Variants in PPP1R16B observed in about 807,000 individuals in gnomAD.
The protein encoded by PPP1R16B is protein phosphatase 1 regulatory inhibitor subunit 16B.
Under a neutral mutation model 61.7 loss-of-function variants are expected in PPP1R16B, and 14 were observed. The observed-to-expected ratio is 0.23, with a 90% CI of 0.15 to 0.35. The LOEUF (loss-of-function observed/expected upper bound fraction) is 0.35, where lower values mean the gene tolerates loss of function less well. PPP1R16B is among the 10% of genes least tolerant of loss of function. The pLI, the probability that PPP1R16B is intolerant of heterozygous loss-of-function variation, is 1.00. For missense variants in PPP1R16B, 547 were observed against 752.5 expected, an observed-to-expected ratio of 0.73 and a Z score of 3.19; for synonymous variants, 266 against 305.3, an observed-to-expected ratio of 0.87 and a Z score of 1.34.
chr20:38,865,300 T>A (rs1014953091), intron 2 of PPP1R16B, among the ~76,000 whole-genome samples: 11 of 150,534 alleles, frequency 7.3e-5, no homozygotes, highest in Non-Finnish European at 1.3e-4. Flanking sequence ...TTTTTCTTTT[T>A]TTTTTTTGAG....
chr20:38,883,387 C>T (rs578166693), intron 2 of PPP1R16B, among the ~76,000 whole-genome samples: 2 of 152,376 alleles, frequency 1.3e-5, no homozygotes, highest in Admixed American at 6.5e-5. Context: ...CAAAGGCAGC[C>T]GCCACCAGCT....
At chr20:38,859,906 C>T (rs894322921) in intron 2 of PPP1R16B, among the ~76,000 whole-genome samples, 10 of 152,148 alleles carry the variant, frequency 6.6e-5, no homozygotes, top group Admixed American at 5.2e-4. Flanking sequence ...GTCATTTCAG[C>T]ATGCAATCAA....
chr20:38,839,389 A>G (rs1435354358), intron 2 of PPP1R16B, among the ~76,000 whole-genome samples: 1 of 152,172 alleles, frequency 6.6e-6, no homozygotes, highest in African/African-American at 2.4e-5. Context: ...ACAGACTTTA[A>G]TGTTTTTCAG....
chr20:38,838,640 T>G (rs927464753), intron 2 of PPP1R16B: 1 of 152,270 alleles, frequency 6.6e-6, no homozygotes, highest in East Asian at 1.9e-4. Flanking sequence ...CTTGTCATGA[T>G]GTCTAATTTT....
chr20:38,841,256 G>C (rs953139095), intron 2 of PPP1R16B, among the ~76,000 whole-genome samples: 4 of 150,618 alleles, frequency 2.7e-5, no homozygotes, highest in African/African-American at 7.3e-5. Context: ...GCTGAGTGGT[G>C]TGGCTAACAC....
intron 3 of PPP1R16B, among the ~76,000 whole-genome samples, chr20:38,890,723 T>C (rs1377322458): frequency 6.6e-6 from 1 of 152,222 alleles, no homozygotes; most frequent in Non-Finnish European, 1.5e-5. Context: ...AGGTGCTCAA[T>C]ATGTGCATGT....
chr20:38,892,920 T>A (rs1023848551), intron 3 of PPP1R16B, among the ~76,000 whole-genome samples: 1 of 152,104 alleles, frequency 6.6e-6, no homozygotes, highest in Non-Finnish European at 1.5e-5. Flanking sequence ...GTGGCACAGT[T>A]AGAGAGCAGG....
intron 1 of PPP1R16B, among the ~76,000 whole-genome samples, chr20:38,807,500 G>A (rs967285432): frequency 3.3e-5 from 5 of 152,190 alleles, no homozygotes; most frequent in East Asian, 3.9e-4. Flanking sequence ...AGGGGCTGGG[G>A]GAGTTTCCAC....
rs530252218 is a variant in PPP1R16B, at chr20:38,852,411, T to G, written c.250+16236T>G. On this transcript the variant is annotated intron_variant, in intron 2 of 10. Coordinates refer to ENST00000299824, the MANE Select transcript of PPP1R16B (RefSeq NM_015568.4). ...GTTTTTATGCAGCAGCCTCATAAAC[T>G]TGGATAGTATGAGACTGCTCTTGGG... 5.9e-5 allele frequency among the ~76,000 whole-genome samples: 9 copies of G among 152,312 alleles called. No homozygotes were observed. In the East Asian group the frequency reaches 1.7e-3, roughly 29 times the overall value.
intron 2 of PPP1R16B, among the ~76,000 whole-genome samples, chr20:38,838,732 T>C (rs1226986425): frequency 2.6e-5 from 4 of 152,124 alleles, no homozygotes; most frequent in Non-Finnish European, 5.9e-5. Flanking sequence ...CCATTGCCCC[T>C]CCCTGAGGGG....
In PPP1R16B at chr20:38,920,780, C is replaced by G. The variant is rs1014170130; in HGVS notation, c.*2114C>G. 6.6e-6 allele frequency: 1 copy of G among 152,556 alleles called. No individual in the cohort carries two copies. Among genetic ancestry groups the G allele is most frequent in the East Asian group, 1.9e-4 (1 of 5,198 alleles). 9.5% of individuals were successfully genotyped at this position (152,556 alleles called of 1,614,324 possible). A position where few individuals can be genotyped will look rare whatever the true frequency, so the allele number is the denominator to read the frequency against. On this transcript the variant is annotated 3_prime_UTR_variant, in exon 11 of 11. Transcript: ENST00000299824. ...AAGACAGGTGCACAGATGCTTCCCA[C>G]GACCTTGCCATTTGGGGTGGGCTCT...
At chr20:38,893,062 C>T (rs2085303218) in intron 3 of PPP1R16B, among the ~76,000 whole-genome samples, 1 of 152,146 alleles carries the variant, frequency 6.6e-6, no homozygotes. Flanking sequence ...GAGCCAGTTT[C>T]CCCATCTATA....
intron 1 of PPP1R16B, among the ~76,000 whole-genome samples, chr20:38,807,930 A>C (rs1299231619): frequency 6.6e-6 from 1 of 152,044 alleles, no homozygotes; most frequent in Admixed American, 6.5e-5. Context: ...GCCTAGAAAG[A>C]CACGGTAGGC....
intron 4 of PPP1R16B, 78 bp from the exon 5 acceptor site, chr20:38,900,503 G>A (rs1568681378): frequency 8.1e-6 from 9 of 1,115,814 alleles, no homozygotes; most frequent in East Asian, 2.6e-5. Flanking sequence ...GATTGCAGGC[G>A]AGAGGCCAGA....
At chr20:38,864,210 T>A (rs2085075200) in intron 2 of PPP1R16B, among the ~76,000 whole-genome samples, 1 of 152,200 alleles carries the variant, frequency 6.6e-6, no homozygotes, top group Non-Finnish European at 1.5e-5. Context: ...GAGGAGTGAC[T>A]GCTAATGGGT....
chr20:38,813,836 G>A (rs766517596), intron 1 of PPP1R16B, among the ~76,000 whole-genome samples: 7 of 150,436 alleles, frequency 4.7e-5, no homozygotes, highest in Admixed American at 6.6e-5. Flanking sequence ...TCACTCTGTC[G>A]TCCAGGCTGG....
chr20:38,908,276 TGA>T, intron 10 of PPP1R16B, 83 bp downstream of exon 10: 1 of 1,530,196 alleles, frequency 6.5e-7, no homozygotes, highest in South Asian at 1.2e-5. Context: ...CCTCTTCAAC[TGA>T]GAGCCTTCAG....
chr20:38,876,255 G>C (rs2085165808), intron 2 of PPP1R16B, among the ~76,000 whole-genome samples: 2 of 152,104 alleles, frequency 1.3e-5, no homozygotes, highest in Non-Finnish European at 2.9e-5. Context: ...TTACAAGCAT[G>C]AGCCACCACT....
At chr20:38,894,730 C>T (rs2085321515) in intron 3 of PPP1R16B, among the ~76,000 whole-genome samples, 1 of 152,196 alleles carries the variant, frequency 6.6e-6, no homozygotes, top group South Asian at 2.1e-4. Context: ...TCTCCTCTCT[C>T]CCGGCCTTTC....
Sources: gnomAD v4.1 joint callset for allele counts (sites outside exome capture counted in the v4.1 genomes callset) on GRCh38, gnomAD v4.1.1 for gene constraint, MANE v1.5 for transcripts, NCBI Gene and HGNC (gene_info 2026-07-23, HGNC 2026-07-21) for gene names.